Variants in NUP88 observed in about 807,000 individuals in gnomAD.
NUP88 encodes the protein nucleoporin 88, also known as nuclear pore complex protein Nup88.
Under a neutral mutation model 93.9 loss-of-function variants are expected in NUP88, and 57 were observed. The observed-to-expected ratio is 0.61, with a 90% CI of 0.49 to 0.76. NUP88 has a LOEUF of 0.76. NUP88 is among the 30% of genes least tolerant of loss of function. The probability of loss-of-function intolerance (pLI) is 0.00; values close to 1 mark genes in which losing one functional copy is unlikely to be tolerated. For synonymous variants in NUP88, 346 were observed against 336.8 expected, an observed-to-expected ratio of 1.03 and a Z score of -0.30; for missense variants, 911 against 901.0, an observed-to-expected ratio of 1.01 and a Z score of -0.14.
intron 4 of NUP88, among the ~76,000 whole-genome samples, chr17:5,410,205 A>G (rs1913750922): frequency 6.6e-6 from 1 of 152,224 alleles, no homozygotes; most frequent in Non-Finnish European, 1.5e-5. Context: ...TTTCTTCCTA[A>G]TACTTTGATC....
intron 7 of NUP88, among the ~76,000 whole-genome samples, chr17:5,400,506 A>AC (rs748813810): frequency 0.014 from 2,163 of 152,006 alleles, 34 homozygotes; most frequent in South Asian, 0.025. Flanking sequence ...AAAAAAAAAA[A>AC]AAAAAAAAAA....
intron 9 of NUP88, among the ~76,000 whole-genome samples, chr17:5,392,219 C>T (rs547211647): frequency 1.3e-5 from 2 of 152,340 alleles, no homozygotes; most frequent in South Asian, 2.1e-4. Context: ...GCCTACAACA[C>T]ACATCTGCCC....
chr17:5,398,570 C>T (rs912169213), intron 8 of NUP88, among the ~76,000 whole-genome samples: 11 of 151,066 alleles, frequency 7.3e-5, no homozygotes, highest in Non-Finnish European at 1.3e-4. Flanking sequence ...GGATTACAGG[C>T]GTGAGCCACT....
Position 5,387,631 on chromosome 17 carries a change from T to A in NUP88, c.1809A>T (p.Glu603Asp). ...LLCDQKKKQL[E>D]DLSYCREERK... Reference sequence around the variant, plus strand: ...TCTCTTCTCGACAATAACTGAGATCTTCTAGTTGTTTCTTTTTTTGGTCAC... The same window carrying A: ...TCTCTTCTCGACAATAACTGAGATCATCTAGTTGTTTCTTTTTTTGGTCAC... The change falls in exon 13 of 17, where the codon GAA becomes GAT. Residue 603 changes from glutamate to aspartate, a missense_variant. By Grantham distance (45) the Glu-to-Asp change is conservative. Coordinates refer to ENST00000573584, the MANE Select transcript of NUP88 (RefSeq NM_002532.6). The A allele has an allele frequency of 2.5e-6, 4 of 1,613,374 alleles. No individual in the cohort carries two copies. Among genetic ancestry groups the A allele is most frequent in the Non-Finnish European group, 3.4e-6 (4 of 1,179,626 alleles).
At position 5,419,575 on chromosome 17, in the gene NUP88, G is replaced by C. The variant is rs778120675; in HGVS notation, c.76C>G (p.Arg26Gly). Reference sequence around the variant, plus strand: ...TGGTTTTTCAGTCCCTCCCGGAGCCGCAAGAACACGACGTGGTTAGGAAGC... The same window carrying C: ...TGGTTTTTCAGTCCCTCCCGGAGCCCCAAGAACACGACGTGGTTAGGAAGC... ...TWLPNHVVFL[R>G]LREGLKNQSP... Residue 26 changes from arginine (R) to glycine (G), a missense_variant, in exon 1 of 17, where the codon CGG becomes GGG. Physicochemically the swap from Arg to Gly is moderately radical, Grantham distance 125. Transcript: ENST00000573584. 8 of 1,609,548 alleles carry C rather than the reference G, an allele frequency of 5.0e-6. No individual in the cohort carries two copies. The South Asian group carries it at 8.8e-5, about 18-fold the overall frequency.
chr17:5,416,406 G>A, intron 2 of NUP88, 107 bp downstream of exon 2: 1 of 703,404 alleles, frequency 1.4e-6, no homozygotes, highest in African/African-American at 1.8e-5. Flanking sequence ...CACGAGGAGT[G>A]TTTTAATGTT....
chr17:5,394,477 C>T (rs74590059), intron 9 of NUP88, among the ~76,000 whole-genome samples: 3,776 of 152,054 alleles, frequency 0.025, 152 homozygotes, highest in African/African-American at 0.086. Context: ...ATATACATTC[C>T]GGTAGTGGCG....
chr17:5,388,693 T>G lies in NUP88; in HGVS notation c.1643+109A>C, dbSNP rs114543830. The G allele has an allele frequency of 3.1e-4, 320 of 1,033,366 alleles. 1 individual carries two copies. In the African/African-American group the frequency reaches 4.5e-3, roughly 14 times the overall value. The allele number at this position is 1,033,366 out of a possible 1,614,324, so 64.0% of individuals were successfully genotyped here. A position where few individuals can be genotyped will look rare whatever the true frequency, so the allele number is the denominator to read the frequency against. On this transcript the variant is annotated intron_variant, in intron 11 of 16. Transcript: ENST00000573584. ...CAAATATATCCAGTTTCTTCCAAAT[T>G]TATCACAGTAAAAAGTATATGAAAC...
chr17:5,403,608 C>T (rs1030913031), intron 7 of NUP88, among the ~76,000 whole-genome samples: 3 of 152,020 alleles, frequency 2.0e-5, no homozygotes, highest in Admixed American at 6.6e-5. Flanking sequence ...TGCAGTGAGT[C>T]GAGATTGCGC....
intron 11 of NUP88, 72 bp downstream of exon 11, chr17:5,388,730 G>A: frequency 7.4e-7 from 1 of 1,359,108 alleles, no homozygotes; most frequent in Non-Finnish European, 1.0e-6. Flanking sequence ...GATGAGGACA[G>A]AAAGGATGCA....
rs1597312188 is a variant in NUP88, at chr17:5,387,765, A to C, written c.1769+14T>G. On this transcript the variant is annotated intron_variant, in intron 12 of 16. Transcript: ENST00000573584. ...AGCCAGGGATCGATGGTTTGTGAAC[A>C]CAGGACATCATACCTCCGCTGAATC... is the stretch of plus-strand genomic sequence containing the variant. 6.2e-7 allele frequency: 1 copy of C among 1,611,902 alleles called. No homozygotes were observed. Among genetic ancestry groups the C allele is most frequent in the South Asian group, 1.1e-5 (1 of 90,848 alleles).
In NUP88 at chr17:5,385,967, G is replaced by C; in HGVS notation, c.*239C>G. 2.1e-6 allele frequency: 1 copy of C among 469,030 alleles called. No homozygotes were observed. The highest frequency in any genetic ancestry group is 3.5e-5 in the East Asian group (1 of 28,756). 29.1% of individuals were successfully genotyped at this position (469,030 alleles called of 1,614,324 possible). A position where few individuals can be genotyped will look rare whatever the true frequency, so the allele number is the denominator to read the frequency against. On this transcript the variant is annotated 3_prime_UTR_variant, in exon 17 of 17. Coordinates refer to ENST00000573584, the MANE Select transcript of NUP88 (RefSeq NM_002532.6). ...TTCAGGGAGGTTCTGGCAGTGTGCA[G>C]TGTGAAATAATCCTGAGTCCTTGCT...
chr17:5,399,056 T>C (rs952389941), intron 8 of NUP88, among the ~76,000 whole-genome samples: 46 of 151,492 alleles, frequency 3.0e-4, no homozygotes, highest in African/African-American at 1.0e-3. Context: ...GCCCGGAGAA[T>C]TTATTTTTGT....
chr17:5,396,576 A>C (rs1912789784), intron 8 of NUP88, among the ~76,000 whole-genome samples: 1 of 152,232 alleles, frequency 6.6e-6, no homozygotes, highest in Non-Finnish European at 1.5e-5. Context: ...GCTATGATGA[A>C]TAATGCTGCT....
intron 3 of NUP88, among the ~76,000 whole-genome samples, chr17:5,412,668 A>G (rs1167042854): frequency 1.3e-5 from 2 of 151,610 alleles, no homozygotes; most frequent in Non-Finnish European, 1.5e-5. Flanking sequence ...CCCCCCACAT[A>G]CACACACACA....
Position 5,388,243 on chromosome 17 carries a change from C to T in NUP88, c.1644-339G>A, listed in dbSNP as rs189342909. The T allele has an allele frequency of 9.8e-5, 17 of 173,742 alleles. No individual in the cohort carries two copies. In the East Asian group the frequency reaches 2.4e-3, roughly 25 times the overall value. The allele number at this position is 173,742 out of a possible 1,614,324, so 10.8% of individuals were successfully genotyped here. A position where few individuals can be genotyped will look rare whatever the true frequency, so the allele number is the denominator to read the frequency against. ...TTTGAACTCCTGACCTTAGGTGATC[C>T]GCCTGCCTGGGCCTCCCAAAGTGCT... On this transcript the variant is annotated intron_variant, in intron 11 of 16. Coordinates refer to ENST00000573584, the MANE Select transcript of NUP88 (RefSeq NM_002532.6).
rs1279529316 is a variant in NUP88, at chr17:5,391,589, T to C, written c.1456A>G (p.Thr486Ala). 1 of 1,613,982 alleles carries C rather than the reference T, an allele frequency of 6.2e-7. No homozygotes were observed. Among genetic ancestry groups the C allele is most frequent in the Non-Finnish European group, 8.5e-7 (1 of 1,179,858 alleles). The change falls in exon 10 of 17, where the codon ACC becomes GCC. Residue 486 changes from threonine to alanine, a missense_variant. Coordinates refer to ENST00000573584, the MANE Select transcript of NUP88 (RefSeq NM_002532.6). ...LGPTMICITS[T>A]YECLIWPLLS... Reference sequence around the variant, plus strand: ...AACGGCCATATGAGGCATTCATAGGTACTGGTGATGCAGATCATCGTGGGT... The same window carrying C: ...AACGGCCATATGAGGCATTCATAGGCACTGGTGATGCAGATCATCGTGGGT...
intron 8 of NUP88, among the ~76,000 whole-genome samples, chr17:5,397,435 G>C (rs990314157): frequency 6.6e-6 from 1 of 152,020 alleles, no homozygotes; most frequent in African/African-American, 2.4e-5. Context: ...GTGAAACAGA[G>C]TGATACAACA....
chr17:5,396,071 CGTG>C (rs1912757256), intron 8 of NUP88, among the ~76,000 whole-genome samples: 2 of 151,822 alleles, frequency 1.3e-5, no homozygotes, highest in South Asian at 4.2e-4. Context: ...ATTAGCTGGA[CGTG>C]GTGGTGGGCA....
Sources: allele counts gnomAD v4.1 joint callset (sites outside exome capture counted in the v4.1 genomes callset), GRCh38; gene constraint gnomAD v4.1.1; transcripts MANE v1.5; gene names NCBI Gene and HGNC (gene_info 2026-07-23, HGNC 2026-07-21).